The following PKN2 variants were observed in gnomAD, a reference collection of about 807,000 sequenced individuals.
PKN2 encodes serine/threonine-protein kinase N2.
A neutral mutation model predicts 119.1 loss-of-function variants in PKN2; 38 were observed. The ratio of observed to expected loss-of-function variants is 0.32; its 90% CI spans 0.25 to 0.42. The LOEUF (loss-of-function observed/expected upper bound fraction) is 0.42. Among genes scored for constraint, PKN2 ranks in the 10% least tolerant of loss-of-function variants. The probability of loss-of-function intolerance (pLI) is 1.00; values close to 1 mark genes in which losing one functional copy is unlikely to be tolerated. For missense variants in PKN2, 850 were observed against 1,165.1 expected (o/e 0.73, Z 3.94); for synonymous variants, 390 against 384.9 (o/e 1.01, Z -0.15).
At chr1:88,779,666 C>G (rs1324946482) in intron 6 of PKN2, among the ~76,000 whole-genome samples, 1 of 152,084 alleles carries the variant, frequency 6.6e-6, no homozygotes, top group African/African-American at 2.4e-5. Flanking sequence ...TGCCAACAAA[C>G]CTTAAAATTT....
At chr1:88,699,117 C>T (rs1666663067) in intron 1 of PKN2, among the ~76,000 whole-genome samples, 1 of 151,940 alleles carries the variant, frequency 6.6e-6, no homozygotes, top group Non-Finnish European at 1.5e-5. Context: ...TCCCTGACCC[C>T]TCTTCTGCAT....
intron 1 of PKN2, among the ~76,000 whole-genome samples, chr1:88,730,754 G>A (rs1365074360): frequency 2.0e-5 from 3 of 152,228 alleles, no homozygotes; most frequent in African/African-American, 7.2e-5. Context: ...GCCAGAAACT[G>A]TACTGTTGCT....
chr1:88,777,960 C>T (rs934384211), intron 6 of PKN2, among the ~76,000 whole-genome samples: 2 of 152,192 alleles, frequency 1.3e-5, no homozygotes, highest in African/African-American at 4.8e-5. Context: ...AACCCCTTAT[C>T]TTAACAGCAC....
intron 18 of PKN2, 107 bp from the exon 19 acceptor site, chr1:88,828,374 G>A (rs1672594035): frequency 1.1e-6 from 1 of 874,790 alleles, no homozygotes; most frequent in Non-Finnish European, 1.8e-6. Context: ...TGTTCACCAT[G>A]CACAAATGTG....
intron 8 of PKN2, among the ~76,000 whole-genome samples, chr1:88,797,657 G>A (rs776287277): frequency 3.4e-5 from 5 of 147,698 alleles, no homozygotes; most frequent in Admixed American, 6.7e-5. Context: ...AAAAAAGAGA[G>A]AGAATGTCTT....
intron 8 of PKN2, among the ~76,000 whole-genome samples, chr1:88,790,207 G>T (rs1221360816): frequency 6.6e-6 from 1 of 152,086 alleles, no homozygotes; most frequent in Non-Finnish European, 1.5e-5. Context: ...CTTCTACATT[G>T]GATCACTTGA....
intron 3 of PKN2, among the ~76,000 whole-genome samples, chr1:88,762,618 G>A (rs1669493618): frequency 6.6e-6 from 1 of 152,116 alleles, no homozygotes; most frequent in African/African-American, 2.4e-5. Context: ...TTATTACATA[G>A]CAGGTACTCA....
intron 2 of PKN2, among the ~76,000 whole-genome samples, chr1:88,745,244 G>A (rs568325275): frequency 1.9e-4 from 29 of 152,270 alleles, no homozygotes; most frequent in African/African-American, 5.5e-4. Context: ...TTTCAGCATA[G>A]TACTGTTAAG....
intron 1 of PKN2, among the ~76,000 whole-genome samples, chr1:88,722,660 A>G (rs1667728620): frequency 6.6e-6 from 1 of 152,020 alleles, no homozygotes; most frequent in Non-Finnish European, 1.5e-5. Context: ...ACGTGCCTAT[A>G]TAGTTCCAGT....
intron 1 of PKN2, among the ~76,000 whole-genome samples, chr1:88,737,208 C>T (rs989395105): frequency 2.0e-5 from 3 of 152,192 alleles, no homozygotes; most frequent in Admixed American, 6.5e-5. Flanking sequence ...CTATAGCCTG[C>T]CTGCTGCTGA....
chr1:88,706,906 A>T (rs1667026416), intron 1 of PKN2, among the ~76,000 whole-genome samples: 1 of 151,788 alleles, frequency 6.6e-6, no homozygotes, highest in Admixed American at 6.6e-5. Context: ...AATTCATTCC[A>T]TTTTGGTCAA....
intron 8 of PKN2, among the ~76,000 whole-genome samples, chr1:88,786,535 A>G (rs150440746): frequency 4.3e-4 from 66 of 152,302 alleles, no homozygotes; most frequent in African/African-American, 1.4e-3. Flanking sequence ...CTTCTGGCTC[A>G]CCATGTGTAG....
chr1:88,708,927 CT>C (rs900276902), intron 1 of PKN2, among the ~76,000 whole-genome samples: 6 of 148,200 alleles, frequency 4.0e-5, no homozygotes, highest in Admixed American at 1.4e-4. Flanking sequence ...TAGTATGATT[CT>C]TTTTTTTTTC....
intron 3 of PKN2, among the ~76,000 whole-genome samples, chr1:88,766,513 T>G (rs1669675351): frequency 6.6e-6 from 1 of 152,204 alleles, no homozygotes. Flanking sequence ...TGTAAAATAT[T>G]TATTCCAAAT....
At position 88,750,996 on chromosome 1, in the gene PKN2, A is replaced by T. The variant is rs141097154; in HGVS notation, c.350-9226A>T. On this transcript the variant is annotated intron_variant, in intron 2 of 21. Transcript: ENST00000370521. ...TCAGTGCTGTTAGTTTCTTGATTTA[A>T]ACTTTTCAATGGATCTTCATTTGCT... Among the ~76,000 whole-genome samples, 23 of 152,308 alleles carry T rather than the reference A, an allele frequency of 1.5e-4. No homozygotes were observed. In the East Asian group the frequency reaches 4.4e-3, roughly 29 times the overall value.
intron 7 of PKN2, among the ~76,000 whole-genome samples, chr1:88,785,125 C>T (rs1053140705): frequency 6.6e-6 from 1 of 152,148 alleles, no homozygotes; most frequent in East Asian, 1.9e-4. Flanking sequence ...CTTGTAGAAT[C>T]GTATCTTGAT....
chr1:88,687,414 CT>C (rs1465333599), intron 1 of PKN2, among the ~76,000 whole-genome samples: 2 of 152,032 alleles, frequency 1.3e-5, no homozygotes, highest in African/African-American at 4.8e-5. Flanking sequence ...GTTGTATTCT[CT>C]TTTTTTATTT....
chr1:88,691,787 A>G (rs1373186123), intron 1 of PKN2, among the ~76,000 whole-genome samples: 6 of 152,242 alleles, frequency 3.9e-5, no homozygotes, highest in African/African-American at 1.4e-4. Flanking sequence ...ATAGGTGAGT[A>G]CAGTATAGTA....
intron 1 of PKN2, among the ~76,000 whole-genome samples, chr1:88,730,087 C>T (rs1487827925): frequency 3.3e-5 from 5 of 152,028 alleles, no homozygotes; most frequent in Non-Finnish European, 4.4e-5. Context: ...ATGACGTAAA[C>T]CCGGGAGGCG....
Sources: gnomAD v4.1 joint callset for allele counts (sites outside exome capture counted in the v4.1 genomes callset) on GRCh38, gnomAD v4.1.1 for gene constraint, MANE v1.5 for transcripts, NCBI Gene and HGNC (gene_info 2026-07-23, HGNC 2026-07-21) for gene names.